THSD7B: variants seen among roughly 807,000 people sequenced by gnomAD.
The protein encoded by THSD7B is thrombospondin type 1 domain containing 7B.
Under a neutral mutation model 213.6 loss-of-function variants are expected in THSD7B, and 138 were observed. The ratio of observed to expected loss-of-function variants is 0.65; its 90% confidence interval spans 0.56 to 0.74. THSD7B has a LOEUF of 0.74. THSD7B is among the 30% of genes least tolerant of loss of function. The pLI is 0.00. For synonymous variants in THSD7B, 742 were observed against 687.0 expected (o/e 1.08, Z -1.25); for missense variants, 1,931 against 1,991.5 (o/e 0.97, Z 0.58).
chr2:137,452,304 GA>G (rs199601328), intron 15 of THSD7B, among the ~76,000 whole-genome samples: 2 of 151,640 alleles, frequency 1.3e-5, no homozygotes, highest in South Asian at 2.1e-4. Flanking sequence ...GTAAAAGTTG[GA>G]AAAAAAACCT....
intron 5 of THSD7B, among the ~76,000 whole-genome samples, chr2:137,120,682 T>C (rs1688530121): frequency 6.6e-6 from 1 of 152,174 alleles, no homozygotes; most frequent in Non-Finnish European, 1.5e-5. Context: ...CCCAGGTTAT[T>C]GATGCAGGAT....
intron 14 of THSD7B, among the ~76,000 whole-genome samples, chr2:137,418,662 G>A (rs1026287579): frequency 2.0e-5 from 3 of 151,860 alleles, no homozygotes; most frequent in African/African-American, 7.3e-5. Flanking sequence ...GTATATATTT[G>A]TACCCGTTAA....
At chr2:137,039,894 C>G (rs1686849246) in intron 2 of THSD7B, among the ~76,000 whole-genome samples, 1 of 152,172 alleles carries the variant, frequency 6.6e-6, no homozygotes, top group South Asian at 2.1e-4. Flanking sequence ...GTGAGCAGAG[C>G]CTGCCTACTC....
intron 2 of THSD7B, among the ~76,000 whole-genome samples, chr2:136,972,540 A>G (rs1227316583): frequency 1.3e-5 from 2 of 152,228 alleles, no homozygotes; most frequent in Admixed American, 1.3e-4. Flanking sequence ...ATTTTAAGTA[A>G]CATCATTATA....
chr2:136,802,706 C>A (rs1447931726), intron 1 of THSD7B, among the ~76,000 whole-genome samples: 3 of 111,658 alleles, frequency 2.7e-5, no homozygotes, highest in African/African-American at 6.4e-5. Context: ...ACTGCTTTTG[C>A]ATCCATGAGT....
At chr2:137,005,810 TA>T (rs1686095434) in intron 2 of THSD7B, among the ~76,000 whole-genome samples, 2 of 152,152 alleles carry the variant, frequency 1.3e-5, no homozygotes, top group South Asian at 4.1e-4. Flanking sequence ...TGCCTTAAAA[TA>T]AAATAAAAAA....
intron 12 of THSD7B, among the ~76,000 whole-genome samples, chr2:137,332,356 C>T (rs1684533056): frequency 6.6e-6 from 1 of 152,142 alleles, no homozygotes. Flanking sequence ...CCCTGAGTCC[C>T]TTTGTTTTGG....
chr2:136,906,186 A>T (rs1444486420), intron 2 of THSD7B, among the ~76,000 whole-genome samples: 2 of 152,128 alleles, frequency 1.3e-5, no homozygotes, highest in Non-Finnish European at 2.9e-5. Context: ...TGTGGAGTGA[A>T]GTTTTAAGAG....
intron 12 of THSD7B, among the ~76,000 whole-genome samples, chr2:137,299,865 G>A (rs771257588): frequency 3.3e-5 from 5 of 151,978 alleles, no homozygotes; most frequent in Admixed American, 6.6e-5. Context: ...TTTTCTCTCT[G>A]TATAGATTTG....
chr2:136,956,312 G>A (rs1558866538), intron 2 of THSD7B, among the ~76,000 whole-genome samples: 1 of 152,136 alleles, frequency 6.6e-6, no homozygotes, highest in Non-Finnish European at 1.5e-5. Context: ...AAGAGAGAAT[G>A]AGTCTTCCAG....
At chr2:137,235,566 A>G (rs991746008) in intron 9 of THSD7B, among the ~76,000 whole-genome samples, 10 of 152,208 alleles carry the variant, frequency 6.6e-5, no homozygotes, top group Non-Finnish European at 1.2e-4. Context: ...TTCTTCTTGT[A>G]TCGTCATTAT....
At chr2:137,277,268 G>T (rs543915336) in intron 12 of THSD7B, among the ~76,000 whole-genome samples, 2 of 152,066 alleles carry the variant, frequency 1.3e-5, no homozygotes, top group African/African-American at 4.8e-5. Context: ...ATAAAAGCAA[G>T]ATATTTCATA....
At chr2:137,375,230 C>T (rs1177019194) in intron 12 of THSD7B, among the ~76,000 whole-genome samples, 1 of 151,912 alleles carries the variant, frequency 6.6e-6, no homozygotes, top group African/African-American at 2.4e-5. Flanking sequence ...AGTTATAACT[C>T]GTGAGACATT....
chr2:137,642,318 CTG>C (rs779555079), intron 20 of THSD7B, 168 bp from the exon 21 acceptor site: 5 of 716,206 alleles, frequency 7.0e-6, no homozygotes, highest in African/African-American at 1.8e-5. Context: ...CCTAGATAGC[CTG>C]TGTCTCTGTG....
At chr2:137,634,490 G>A (rs1005862566) in intron 20 of THSD7B, among the ~76,000 whole-genome samples, 13 of 151,974 alleles carry the variant, frequency 8.6e-5, no homozygotes, top group Non-Finnish European at 1.0e-4. Flanking sequence ...AACCTTCTTC[G>A]ACAATCTCTC....
At chr2:137,257,870 A>G (rs1682344280) in intron 10 of THSD7B, among the ~76,000 whole-genome samples, 2 of 152,160 alleles carry the variant, frequency 1.3e-5, no homozygotes, top group Admixed American at 1.3e-4. Flanking sequence ...CTGGACCCAC[A>G]TTGCTTGGGT....
intron 2 of THSD7B, among the ~76,000 whole-genome samples, chr2:136,984,576 C>A (rs1340754906): frequency 6.6e-6 from 1 of 152,098 alleles, no homozygotes; most frequent in East Asian, 1.9e-4. Flanking sequence ...GCCTGTAGAA[C>A]CATGATCTAA....
chr2:137,517,095 T>C (rs966226742), intron 15 of THSD7B, among the ~76,000 whole-genome samples: 2 of 152,256 alleles, frequency 1.3e-5, no homozygotes, highest in African/African-American at 4.8e-5. Context: ...TATGCAGCCA[T>C]TGACTTGGCA....
At chr2:136,793,454 T>A (rs935930879) in intron 1 of THSD7B, among the ~76,000 whole-genome samples, 1 of 152,156 alleles carries the variant, frequency 6.6e-6, no homozygotes. Flanking sequence ...TATACGTAGT[T>A]CATAAATATT....
Sources: gnomAD v4.1 joint callset for allele counts (sites outside exome capture counted in the v4.1 genomes callset) on GRCh38, gnomAD v4.1.1 for gene constraint, MANE v1.5 for transcripts, NCBI Gene and HGNC (gene_info 2026-07-23, HGNC 2026-07-21) for gene names.